Variants in ABL1 observed in about 807,000 individuals in gnomAD.
ABL1 encodes ABL proto-oncogene 1, non-receptor tyrosine kinase.
In ABL1, 11 loss-of-function variants were observed where a neutral mutation model predicts 94.7. The observed-to-expected ratio is 0.12, with a 90% CI of 0.07 to 0.19. The LOEUF (loss-of-function observed/expected upper bound fraction) is 0.19, where lower values mean the gene tolerates loss of function less well. Ranked by LOEUF, ABL1 falls within the 10% of genes least tolerant of loss-of-function variation. The pLI is 1.00. For synonymous variants in ABL1, 656 were observed against 622.4 expected (o/e 1.05, Z -0.80); for missense variants, 1,082 against 1,489.4 (o/e 0.73, Z 4.50).
chr9:130,841,265 A>G (rs2132928279), intron 1 of ABL1, among the ~76,000 whole-genome samples: 1 of 151,794 alleles, frequency 6.6e-6, no homozygotes, highest in Non-Finnish European at 1.5e-5. Context: ...CTCCTGCCTC[A>G]GCCTCCCTAG....
chr9:130,850,987 G>A (rs1298502738), intron 1 of ABL1, among the ~76,000 whole-genome samples: 2 of 151,914 alleles, frequency 1.3e-5, no homozygotes, highest in Non-Finnish European at 2.9e-5. Context: ...ATAGTGGCGT[G>A]ATCTCGGCTC....
chr9:130,878,625 T>C, intron 8 of ABL1, 58 bp downstream of exon 8: 1 of 1,579,934 alleles, frequency 6.3e-7, no homozygotes, highest in Non-Finnish European at 8.6e-7. Flanking sequence ...GAAATTCAAC[T>C]GTGCAGGAGT....
At chr9:130,798,158 T>G (rs1328033430) in intron 1 of ABL1, among the ~76,000 whole-genome samples, 2 of 152,230 alleles carry the variant, frequency 1.3e-5, no homozygotes, top group Non-Finnish European at 2.9e-5. Context: ...TTTAATCACT[T>G]CACTATTAAG....
intron 1 of ABL1, among the ~76,000 whole-genome samples, chr9:130,795,424 A>G (rs1245463868): frequency 2.6e-5 from 4 of 152,200 alleles, no homozygotes; most frequent in South Asian, 2.1e-4. Context: ...CGACAGTATC[A>G]TATGTGCTCG....
intron 1 of ABL1, among the ~76,000 whole-genome samples, chr9:130,723,012 G>C (rs1455405690): frequency 1.3e-5 from 2 of 152,220 alleles, no homozygotes; most frequent in Non-Finnish European, 2.9e-5. Context: ...GAATGGGAGG[G>C]AGAGGGATGT....
chr9:130,722,307 C>T (rs763114282), intron 1 of ABL1, among the ~76,000 whole-genome samples: 6 of 151,968 alleles, frequency 3.9e-5, no homozygotes, highest in Admixed American at 6.5e-5. Flanking sequence ...GCAGGAGAAT[C>T]GCTTGAACCT....
chr9:130,734,351 C>G (rs1471066947), intron 1 of ABL1, among the ~76,000 whole-genome samples: 2 of 143,952 alleles, frequency 1.4e-5, no homozygotes, highest in African/African-American at 5.2e-5. Context: ...GTAGCTGGGA[C>G]TACAGGCACC....
rs556191334 is a variant in ABL1 at position 130,748,720 on chromosome 9, C to T, written c.136+34265C>T. Among the ~76,000 whole-genome samples, 5 of 152,266 alleles carry T rather than the reference C, an allele frequency of 3.3e-5. No homozygotes were observed. In the East Asian group the frequency reaches 9.7e-4, roughly 29 times the overall value. On this transcript the variant is annotated intron_variant, in intron 1 of 10. Transcript: ENST00000372348. Reference sequence around the variant, plus strand: ...CCTCCCAAGTAGCTGGGATTACAGGCATGCGCCACTGCTGCCCGGCTAATT... The same window carrying T: ...CCTCCCAAGTAGCTGGGATTACAGGTATGCGCCACTGCTGCCCGGCTAATT...
At chr9:130,821,844 T>G (rs369191471) in intron 1 of ABL1, among the ~76,000 whole-genome samples, 1 of 114,638 alleles carries the variant, frequency 8.7e-6, no homozygotes, top group Non-Finnish European at 1.8e-5. Flanking sequence ...ATTATTATTT[T>G]TTTTTTTTTT....
intron 1 of ABL1, among the ~76,000 whole-genome samples, chr9:130,737,886 A>T (rs1831765351): frequency 6.8e-6 from 1 of 147,776 alleles, no homozygotes; most frequent in South Asian, 2.1e-4. Context: ...GCCGGAGTGC[A>T]GTGGCACAAT....
At chr9:130,822,294 TTA>T (rs1830372741) in intron 1 of ABL1, among the ~76,000 whole-genome samples, 1 of 152,164 alleles carries the variant, frequency 6.6e-6, no homozygotes, top group Non-Finnish European at 1.5e-5. Context: ...TATAGTAAGT[TTA>T]TGTTTAACTT....
intron 1 of ABL1, among the ~76,000 whole-genome samples, chr9:130,754,631 TCAG>T (rs1182803923): frequency 6.6e-6 from 1 of 151,752 alleles, no homozygotes; most frequent in Non-Finnish European, 1.5e-5. Flanking sequence ...ACATTTGGAC[TCAG>T]TATGAAAAGA....
intron 1 of ABL1, among the ~76,000 whole-genome samples, chr9:130,737,570 C>T (rs1002567140): frequency 6.6e-6 from 1 of 152,044 alleles, no homozygotes; most frequent in African/African-American, 2.4e-5. Context: ...CACCCAGCCA[C>T]CTGGACATGT....
chr9:130,754,293 G>A (rs1440878105), intron 1 of ABL1, among the ~76,000 whole-genome samples: 3 of 151,396 alleles, frequency 2.0e-5, no homozygotes, highest in African/African-American at 7.3e-5. Flanking sequence ...TGGATTACGA[G>A]GTCAGGAGAT....
rs185987961 is a variant in ABL1 at position 130,860,426 on chromosome 9, C to T, written c.550-2337C>T. 5.5e-3 allele frequency among the ~76,000 whole-genome samples: 839 copies of T among 152,286 alleles called. 9 individuals carry two copies. The highest frequency in any genetic ancestry group is 0.019 in the African/African-American group (798 of 41,534). ...CCTCCTGTAACTGAAGTCTCTAACA[C>T]AGTAGCCAATGGGGGAATCAAATGA... On this transcript the variant is annotated intron_variant, in intron 3 of 10. Coordinates refer to ENST00000318560, the MANE Select transcript of ABL1 (RefSeq NM_005157.6).
chr9:130,877,495 TC>T (rs1831366838), intron 7 of ABL1, among the ~76,000 whole-genome samples: 1 of 147,876 alleles, frequency 6.8e-6, no homozygotes, highest in Non-Finnish European at 1.5e-5. Context: ...CCAGCTGACT[TC>T]CGGCGCCAGG....
At chr9:130,854,769 T>C in intron 2 of ABL1, 32 bp from the exon 3 acceptor site, 2 of 1,584,354 alleles carry the variant, frequency 1.3e-6, no homozygotes, top group South Asian at 2.3e-5. Context: ...TTTCCAAAGC[T>C]GATATGTCTG....
chr9:130,793,457 T>C (rs1039804796), intron 1 of ABL1, among the ~76,000 whole-genome samples: 2 of 152,200 alleles, frequency 1.3e-5, no homozygotes, highest in African/African-American at 4.8e-5. Flanking sequence ...CTAATCAGGA[T>C]TTCCTGTAAT....
At chr9:130,837,700 T>C (rs992640049) in intron 1 of ABL1, among the ~76,000 whole-genome samples, 3 of 152,230 alleles carry the variant, frequency 2.0e-5, no homozygotes, top group African/African-American at 7.2e-5. Context: ...CATTTTGTAG[T>C]TGGTAGACTT....
Sources: allele counts gnomAD v4.1 joint callset (sites outside exome capture counted in the v4.1 genomes callset), GRCh38; gene constraint gnomAD v4.1.1; transcripts MANE v1.5; gene names NCBI Gene and HGNC (gene_info 2026-07-23, HGNC 2026-07-21).